The following SMYD3 variants were observed in gnomAD, a reference collection of about 807,000 sequenced individuals.
The protein encoded by SMYD3 is SET and MYND domain containing 3, also known as histone-lysine N-methyltransferase SMYD3.
SMYD3 carries 36 observed loss-of-function variants against 57.7 expected under a neutral mutation model. The observed-to-expected ratio is 0.62, with a 90% confidence interval of 0.48 to 0.82. The LOEUF (loss-of-function observed/expected upper bound fraction) is 0.82, where lower values mean the gene tolerates loss of function less well. Among genes scored for constraint, SMYD3 ranks in the 40% least tolerant of loss-of-function variants. The pLI is 0.00. For missense variants in SMYD3, 515 were observed against 538.8 expected (o/e 0.96, Z 0.44); for synonymous variants, 211 against 195.0 (o/e 1.08, Z -0.68).
Position 246,219,360 on chromosome 1 carries a change from G to A in SMYD3, c.531+107841C>T, listed in dbSNP as rs942998446. 1.1e-4 allele frequency among the ~76,000 whole-genome samples: 16 copies of A among 152,186 alleles called. 1 individual carries two copies. The highest frequency in any genetic ancestry group is 5.8e-4 in the East Asian group (3 of 5,168). On this transcript the variant is annotated intron_variant, in intron 5 of 11. Coordinates refer to ENST00000490107, the MANE Select transcript of SMYD3 (RefSeq NM_001167740.2). ...CTTGACTTCAGAGGGACAGCCTGACGGGGTAACTCTGGAGAAGAATCTGGC... is the reference window on the plus strand; with the variant it reads ...CTTGACTTCAGAGGGACAGCCTGACAGGGTAACTCTGGAGAAGAATCTGGC...
intron 1 of SMYD3, among the ~76,000 whole-genome samples, chr1:246,444,816 G>A (rs1558468569): frequency 6.6e-6 from 1 of 152,144 alleles, no homozygotes; most frequent in Non-Finnish European, 1.5e-5. Flanking sequence ...CGCAAAAGCT[G>A]TCAGTCATAA....
chr1:245,885,588 T>C (rs4233244), intron 8 of SMYD3, among the ~76,000 whole-genome samples: 151,888 of 152,292 alleles, frequency 1, 75,745 homozygotes, highest in Middle Eastern at 1. Flanking sequence ...ATAAGGCCCC[T>C]CCTTTCTCCT....
chr1:245,759,281 T>TC (rs55936307), intron 11 of SMYD3, among the ~76,000 whole-genome samples: 67,628 of 151,586 alleles, frequency 0.45, 15,528 homozygotes, highest in East Asian at 0.65. Flanking sequence ...TTACGGGACA[T>TC]CCTTCCGCAT....
chr1:245,900,236 A>T (rs538399026), intron 8 of SMYD3, among the ~76,000 whole-genome samples: 8 of 152,248 alleles, frequency 5.3e-5, no homozygotes, highest in African/African-American at 1.7e-4. Context: ...TTTTCTCTTG[A>T]CTTCCTCTTG....
chr1:246,150,379 T>G (rs574981139), intron 5 of SMYD3, among the ~76,000 whole-genome samples: 1 of 152,196 alleles, frequency 6.6e-6, no homozygotes, highest in South Asian at 2.1e-4. Context: ...GGAACAAAAA[T>G]GACTCTGGTA....
At chr1:246,506,958 G>T in intron 1 of SMYD3, 96 bp downstream of exon 1, 1 of 1,184,978 alleles carries the variant, frequency 8.4e-7, no homozygotes, top group Non-Finnish European at 1.1e-6. Flanking sequence ...GCCCCATCCA[G>T]CAGGAGTCCC....
chr1:246,341,991 C>T (rs146495991), intron 2 of SMYD3, among the ~76,000 whole-genome samples: 48 of 152,242 alleles, frequency 3.2e-4, no homozygotes, highest in African/African-American at 1.1e-3. Flanking sequence ...GGCAGTCTTC[C>T]AATGATAAAA....
intron 5 of SMYD3, among the ~76,000 whole-genome samples, chr1:246,317,985 G>C (rs182020645): frequency 6.6e-6 from 1 of 152,276 alleles, no homozygotes; most frequent in African/African-American, 2.4e-5. Context: ...GTCTCTATGA[G>C]TCAGAGCTAT....
At chr1:245,990,968 T>G (rs1456665443) in intron 5 of SMYD3, among the ~76,000 whole-genome samples, 1 of 152,212 alleles carries the variant, frequency 6.6e-6, no homozygotes, top group African/African-American at 2.4e-5. Flanking sequence ...ATTGTTATGT[T>G]TATCAACATG....
chr1:246,345,320 A>C (rs1184640593), intron 2 of SMYD3, among the ~76,000 whole-genome samples: 1 of 152,128 alleles, frequency 6.6e-6, no homozygotes, highest in Non-Finnish European at 1.5e-5. Flanking sequence ...TCATCCTTTC[A>C]TTATTGAATT....
intron 10 of SMYD3, among the ~76,000 whole-genome samples, chr1:245,799,131 T>A (rs1453703541): frequency 6.6e-6 from 1 of 152,200 alleles, no homozygotes; most frequent in Non-Finnish European, 1.5e-5. Flanking sequence ...GAGCTATAGG[T>A]GACAGCTCCT....
chr1:246,049,453 C>G (rs1296657964), intron 5 of SMYD3, among the ~76,000 whole-genome samples: 3 of 142,926 alleles, frequency 2.1e-5, no homozygotes, highest in South Asian at 4.7e-4. Flanking sequence ...CCCGCCACCA[C>G]GCCTGGCTAA....
At chr1:246,346,477 T>TA (rs1313550303) in intron 2 of SMYD3, among the ~76,000 whole-genome samples, 6 of 4,656 alleles carry the variant, frequency 1.3e-3, no homozygotes, top group Non-Finnish European at 4.9e-3. Flanking sequence ...GGGTAATTTA[T>TA]AAAGGAAGAC....
chr1:246,355,048 A>G lies in SMYD3; in HGVS notation c.211T>C (p.Cys71Arg), dbSNP rs1247136438. Reference sequence around the variant, plus strand: ...AGTCTTACCTGACACTTAGCACTACAGTATTTGGCGACGCGGCACTGAGAG... The same window carrying G: ...AGTCTTACCTGACACTTAGCACTACGGTATTTGGCGACGCGGCACTGAGAG... ...RCSQCRVAKYCSAKCQKKAWP... is the reference protein window; with the variant it reads ...RCSQCRVAKYRSAKCQKKAWP... The change falls in exon 2 of 12, where the codon TGT becomes CGT. Residue 71 changes from cysteine (C) to arginine (R), a missense_variant. Physicochemically the swap from Cys to Arg is radical, Grantham distance 180. Transcript: ENST00000490107. This position sits in a 1 kb window ranked among gnomAD's most constrained non-coding sequence, Gnocchi z 5.0. The G allele has an allele frequency of 6.2e-7, 1 of 1,614,182 alleles. No homozygotes were observed. The highest frequency in any genetic ancestry group is 1.1e-5 in the South Asian group (1 of 91,086).
At chr1:245,828,199 C>T (rs1163854943) in intron 10 of SMYD3, among the ~76,000 whole-genome samples, 1 of 152,122 alleles carries the variant, frequency 6.6e-6, no homozygotes, top group Non-Finnish European at 1.5e-5. Context: ...CTCCTTAAGA[C>T]GGGCCAGGGA....
At chr1:246,335,798 T>G (rs2065534034) in intron 2 of SMYD3, among the ~76,000 whole-genome samples, 1 of 152,124 alleles carries the variant, frequency 6.6e-6, no homozygotes, top group African/African-American at 2.4e-5. Flanking sequence ...TGGAACTGAT[T>G]AAACAGGATT....
At chr1:246,412,092 A>G (rs1371731071) in intron 1 of SMYD3, among the ~76,000 whole-genome samples, 1 of 152,038 alleles carries the variant, frequency 6.6e-6, no homozygotes. Context: ...ACACATCCCC[A>G]AGAGCCTACA....
chr1:245,858,639 T>G lies in SMYD3; in HGVS notation c.933A>C (p.Ala311=). 1 of 1,614,030 alleles carries G rather than the reference T, an allele frequency of 6.2e-7. No homozygotes were observed. The highest frequency in any genetic ancestry group is 2.2e-5 in the East Asian group (1 of 44,872). Residue 311 remains alanine (A), a synonymous_variant, in exon 10 of 12, where the codon GCA becomes GCC. Coordinates refer to ENST00000490107, the MANE Select transcript of SMYD3 (RefSeq NM_001167740.2). ...GCCGTTCAGAATTGCTGCTTATGAT[T>G]GCCTGGCACATGGCCAGAACCTGCT... ...KWEQVLAMCQ[A]IISSNSERLP...
chr1:246,018,247 CAG>C (rs1247107546), intron 5 of SMYD3, among the ~76,000 whole-genome samples: 2 of 152,306 alleles, frequency 1.3e-5, no homozygotes, highest in African/African-American at 4.8e-5. Flanking sequence ...CTCTAATGAA[CAG>C]AGTTTTATTC....
Sources: allele counts gnomAD v4.1 joint callset (sites outside exome capture counted in the v4.1 genomes callset), GRCh38; gene constraint gnomAD v4.1.1; non-coding constraint Gnocchi (gnomAD v3.1); transcripts MANE v1.5; gene names NCBI Gene and HGNC (gene_info 2026-07-23, HGNC 2026-07-21).